ENTPD5: variants seen among roughly 807,000 people sequenced by gnomAD.
ENTPD5 encodes ectonucleoside triphosphate diphosphohydrolase 5 (inactive).
ENTPD5 carries 49 observed loss-of-function variants against 60.2 expected under a neutral mutation model. The observed-to-expected ratio is 0.81, with a 90% CI of 0.65 to 1.03. ENTPD5 has a LOEUF of 1.03. Ranked by LOEUF, ENTPD5 falls within the 50% of genes least tolerant of loss-of-function variation. ENTPD5 has a pLI of 0.00. For missense variants in ENTPD5, 480 were observed against 507.6 expected (o/e 0.95, Z 0.52); for synonymous variants, 187 against 185.4 (o/e 1.01, Z -0.07).
At chr14:73,994,919 T>C (rs1159954274) in intron 3 of ENTPD5, among the ~76,000 whole-genome samples, 1 of 151,986 alleles carries the variant, frequency 6.6e-6, no homozygotes, top group Non-Finnish European at 1.5e-5. Context: ...CTATCTTCCT[T>C]TTCTGTTTAT....
downstream of ENTPD5, chr14:73,958,670 C>G: frequency 1.5e-6 from 2 of 1,321,384 alleles, no homozygotes; most frequent in Non-Finnish European, 1.9e-6. Context: ...TATTCAGCTC[C>G]AGTGTGTGCC....
intron 3 of ENTPD5, among the ~76,000 whole-genome samples, chr14:74,008,139 A>T (rs1032845427): frequency 1.3e-5 from 2 of 150,790 alleles, no homozygotes; most frequent in Non-Finnish European, 3.0e-5. Context: ...CAGACAAAGA[A>T]AAAAAAAATT....
At chr14:73,997,219 GAC>G (rs2058365711) in intron 3 of ENTPD5, among the ~76,000 whole-genome samples, 1 of 152,092 alleles carries the variant, frequency 6.6e-6, no homozygotes. Flanking sequence ...CCAGAATAAA[GAC>G]AGCCAGAGTG....
intron 3 of ENTPD5, among the ~76,000 whole-genome samples, chr14:74,010,485 C>G (rs1450505057): frequency 6.6e-6 from 1 of 151,642 alleles, no homozygotes. Flanking sequence ...ACCCAGGAGG[C>G]AGAGGTTGCA....
chr14:73,959,390 T>C (rs1195456719), downstream of ENTPD5: 5 of 1,614,170 alleles, frequency 3.1e-6, no homozygotes, highest in Non-Finnish European at 4.2e-6. Context: ...TCTTAGCCGT[T>C]GGTATTGGTG....
In ENTPD5 at chr14:73,987,892, T is replaced by C. The variant is rs1303684843; in HGVS notation, c.211A>G (p.Met71Val). 1 of 1,613,972 alleles carries C rather than the reference T, an allele frequency of 6.2e-7. No homozygotes were observed. The highest frequency in any genetic ancestry group is 1.3e-5 in the African/African-American group (1 of 74,902). Residue 71 changes from methionine (M) to valine (V), a missense_variant, in exon 4 of 16, where the codon ATG becomes GTG. Transcript: ENST00000334696. ...GGGTCCCAGTTGCACTTACCTGGCA[T>C]TTTCTGCACAAAGGTGTAAACATGA... ...RIHVYTFVQK[M>V]PGQLPILEGE...
chr14:74,008,534 T>C (rs2058749626), intron 3 of ENTPD5, among the ~76,000 whole-genome samples: 1 of 151,962 alleles, frequency 6.6e-6, no homozygotes, highest in East Asian at 1.9e-4. Context: ...GCTAGGACGA[T>C]GGGTGCCTGC....
chr14:73,978,241 T>C (rs778047303), intron 6 of ENTPD5, among the ~76,000 whole-genome samples: 13 of 151,990 alleles, frequency 8.6e-5, no homozygotes, highest in Non-Finnish European at 1.5e-5. Flanking sequence ...CTACAGTTTG[T>C]TCTCAAAACA....
intron 6 of ENTPD5, among the ~76,000 whole-genome samples, chr14:73,981,578 G>A (rs908332795): frequency 1.3e-5 from 2 of 151,992 alleles, no homozygotes; most frequent in South Asian, 2.1e-4. Context: ...CAAGGAAGGT[G>A]GACTGCCTGA....
intron 8 of ENTPD5, 44 bp downstream of exon 8, chr14:73,976,980 T>C (rs2057470117): frequency 6.5e-7 from 1 of 1,530,122 alleles, no homozygotes; most frequent in East Asian, 2.2e-5. Context: ...ACTATGCATG[T>C]AAAAGCTAGT....
intron 3 of ENTPD5, among the ~76,000 whole-genome samples, chr14:73,990,001 C>T (rs2058069741): frequency 6.6e-6 from 1 of 151,518 alleles, no homozygotes; most frequent in Non-Finnish European, 1.5e-5. Context: ...AGCAAGACTT[C>T]GTCTCAAAAA....
At chr14:73,969,925 T>C in intron 15 of ENTPD5, 85 bp downstream of exon 15, 1 of 934,678 alleles carries the variant, frequency 1.1e-6, no homozygotes, top group Non-Finnish European at 1.8e-6. Flanking sequence ...CACTTCTAGC[T>C]ACTCTGATTA....
downstream of ENTPD5, chr14:73,959,257 G>A (rs1029775676): frequency 2.5e-6 from 4 of 1,614,104 alleles, no homozygotes; most frequent in African/African-American, 5.3e-5. Flanking sequence ...CCGCCCACAT[G>A]CATGCAAGCC....
intron 13 of ENTPD5, among the ~76,000 whole-genome samples, chr14:73,972,135 T>A (rs970364280): frequency 6.6e-6 from 1 of 151,354 alleles, no homozygotes; most frequent in African/African-American, 2.5e-5. Flanking sequence ...TCCCAGCACT[T>A]TGGGAGGCCG....
chr14:74,006,284 CT>C (rs1224060585), intron 3 of ENTPD5, among the ~76,000 whole-genome samples: 219 of 129,944 alleles, frequency 1.7e-3, no homozygotes, highest in South Asian at 5.2e-3. Context: ...CTCGCCAAGC[CT>C]TTTTTTTTTT....
At chr14:73,955,510 G>A, downstream of ENTPD5, 1 of 1,613,784 alleles carries the variant, frequency 6.2e-7, no homozygotes, top group Non-Finnish European at 8.5e-7. Context: ...GCGAATGCAG[G>A]TGCCCCTTTA....
intron 6 of ENTPD5, among the ~76,000 whole-genome samples, chr14:73,982,588 C>G (rs2057736934): frequency 6.6e-6 from 1 of 151,798 alleles, no homozygotes; most frequent in African/African-American, 2.4e-5. Flanking sequence ...AACCCCGTCT[C>G]TACTAAAAAT....
At chr14:73,958,799 G>A, downstream of ENTPD5, 1 of 1,514,584 alleles carries the variant, frequency 6.6e-7, no homozygotes, top group Non-Finnish European at 8.8e-7. Flanking sequence ...GGCTGAGGCT[G>A]ATGTGACAGT....
rs2057376518 is a variant in ENTPD5, at chr14:73,974,917, G to C, written c.784+7C>G. 5 of 1,612,280 alleles carry C rather than the reference G, an allele frequency of 3.1e-6. No individual in the cohort carries two copies. The African/African-American group carries it at 4.0e-5, about 13-fold the overall frequency. On this transcript the variant is annotated splice_region_variant and intron_variant, in intron 11 of 15. Coordinates refer to ENST00000334696, the MANE Select transcript of ENTPD5 (RefSeq NM_001249.5). ...CATCCCCCCCCAGCACAGGTACCCAGACAAACCTTCTGTCTCCAGGGCTCC... is the reference window on the plus strand; with the variant it reads ...CATCCCCCCCCAGCACAGGTACCCACACAAACCTTCTGTCTCCAGGGCTCC...
Sources: allele counts gnomAD v4.1 joint callset (sites outside exome capture counted in the v4.1 genomes callset), GRCh38; gene constraint gnomAD v4.1.1; transcripts MANE v1.5; gene names NCBI Gene and HGNC (gene_info 2026-07-23, HGNC 2026-07-21).